PRELID2: variants seen among roughly 807,000 people sequenced by gnomAD.
PRELID2 encodes the protein PRELI domain-containing protein 2.
A neutral mutation model predicts 28.4 loss-of-function variants in PRELID2; 25 were observed. The ratio of observed to expected loss-of-function variants is 0.88; its 90% CI spans 0.64 to 1.23. The LOEUF (loss-of-function observed/expected upper bound fraction) is 1.23. Among genes scored for constraint, PRELID2 ranks in the 50% most tolerant of loss-of-function variants. The pLI is 0.00. For missense variants in PRELID2, 201 were observed against 214.4 expected (o/e 0.94, Z 0.39); for synonymous variants, 76 against 71.6 (o/e 1.06, Z -0.31).
chr5:145,651,224 T>C (rs1754291356), intron 1 of PRELID2, among the ~76,000 whole-genome samples: 1 of 152,172 alleles, frequency 6.6e-6, no homozygotes, highest in Non-Finnish European at 1.5e-5. Context: ...GTGCCTGCCA[T>C]TGCTGAGGCT....
At chr5:145,235,633 T>C in the PRELID2 span, among the ~76,000 whole-genome samples, 1 of 152,126 alleles carries the variant, frequency 6.6e-6, no homozygotes, top group African/African-American at 2.4e-5. Flanking sequence ...AGATTATTTT[T>C]TTTTGCTTAC....
intron 5 of PRELID2, among the ~76,000 whole-genome samples, chr5:145,776,526 T>C (rs937262549): frequency 2.0e-5 from 3 of 152,212 alleles, no homozygotes; most frequent in African/African-American, 4.8e-5. Flanking sequence ...ACAAGTCTTC[T>C]ATCCATGAAA....
the PRELID2 span, among the ~76,000 whole-genome samples, chr5:145,436,732 G>T: frequency 6.6e-6 from 1 of 152,116 alleles, no homozygotes; most frequent in African/African-American, 2.4e-5. Flanking sequence ...AATCCTGAAT[G>T]TGTGTAAGGC....
At chr5:145,534,437 G>C (rs958687387) in intron 1 of PRELID2, among the ~76,000 whole-genome samples, 1 of 151,966 alleles carries the variant, frequency 6.6e-6, no homozygotes, top group Admixed American at 6.6e-5. Flanking sequence ...TGTCTAAAAA[G>C]GGGCTACAGC....
At chr5:145,343,946 A>G in the PRELID2 span, among the ~76,000 whole-genome samples, 1 of 151,956 alleles carries the variant, frequency 6.6e-6, no homozygotes, top group African/African-American at 2.4e-5. Flanking sequence ...CATACAACAT[A>G]CCAAGATTGA....
the PRELID2 span, among the ~76,000 whole-genome samples, chr5:145,415,614 C>T: frequency 7.3e-5 from 11 of 150,718 alleles, no homozygotes; most frequent in African/African-American, 2.4e-4. Context: ...ATGAACTCAT[C>T]ATTTTTTATG....
chr5:145,510,684 G>C (rs1369128256), intron 1 of PRELID2, among the ~76,000 whole-genome samples: 1 of 152,206 alleles, frequency 6.6e-6, no homozygotes, highest in African/African-American at 2.4e-5. Flanking sequence ...TCTCCTGCAA[G>C]CCAATTTTAT....
intron 1 of PRELID2, among the ~76,000 whole-genome samples, chr5:145,675,368 T>C (rs182188062): frequency 6.6e-6 from 1 of 152,272 alleles, no homozygotes; most frequent in East Asian, 1.9e-4. Context: ...ACAAAAAATC[T>C]AAAAGTTCAA....
At chr5:145,497,078 G>A (rs922929473) in intron 1 of PRELID2, among the ~76,000 whole-genome samples, 1 of 150,882 alleles carries the variant, frequency 6.6e-6, no homozygotes, top group Non-Finnish European at 1.5e-5. Context: ...TGCACAGGCT[G>A]GTCTAAAACT....
the PRELID2 span, among the ~76,000 whole-genome samples, chr5:145,285,605 T>A: frequency 6.6e-5 from 10 of 152,110 alleles, no homozygotes; most frequent in African/African-American, 2.2e-4. Flanking sequence ...TCATTTTAAG[T>A]GATATTGGCT....
chr5:145,676,240 A>AAAC (rs1554082907), intron 1 of PRELID2, among the ~76,000 whole-genome samples: 30 of 147,860 alleles, frequency 2.0e-4, no homozygotes, highest in African/African-American at 6.7e-4. Flanking sequence ...AAAAAAAAAA[A>AAAC]AATAATGTGT....
At chr5:145,528,724 C>CAGAG (rs1359697111) in intron 1 of PRELID2, among the ~76,000 whole-genome samples, 2 of 56,604 alleles carry the variant, frequency 3.5e-5, no homozygotes, top group African/African-American at 5.6e-5. Context: ...CACACACACA[C>CAGAG]ACAGAGAGAG....
rs181521858 is a variant in PRELID2, at chr5:145,758,603, C to T, written c.*1933G>A. ...GAGTTTTTGAGTGTGAAGGGTTAAACTTACTCTAATGTCAACCTCCAAATA... is the reference window on the plus strand; with the variant it reads ...GAGTTTTTGAGTGTGAAGGGTTAAATTTACTCTAATGTCAACCTCCAAATA... On this transcript the variant is annotated 3_prime_UTR_variant, in exon 7 of 7. Transcript: ENST00000683046. Among the ~76,000 whole-genome samples, 10 of 152,280 alleles carry T rather than the reference C, an allele frequency of 6.6e-5. No homozygotes were observed. In the East Asian group the frequency reaches 1.9e-3, roughly 29 times the overall value.
At chr5:145,569,845 T>C (rs1315558305) in intron 1 of PRELID2, among the ~76,000 whole-genome samples, 1 of 152,216 alleles carries the variant, frequency 6.6e-6, no homozygotes, top group African/African-American at 2.4e-5. Context: ...CACAGTCGAT[T>C]GTGAATTTTG....
chr5:145,463,503 A>T, the PRELID2 span, among the ~76,000 whole-genome samples: 3 of 152,132 alleles, frequency 2.0e-5, no homozygotes, highest in Admixed American at 6.6e-5. Context: ...TAACTTTGTA[A>T]TTAATTTGCA....
chr5:145,516,946 T>G (rs1752522433), intron 1 of PRELID2, among the ~76,000 whole-genome samples: 2 of 152,154 alleles, frequency 1.3e-5, no homozygotes, highest in Admixed American at 1.3e-4. Context: ...CACAGAAAAC[T>G]GAAACTGGAC....
At chr5:145,323,446 T>C in the PRELID2 span, among the ~76,000 whole-genome samples, 2 of 152,174 alleles carry the variant, frequency 1.3e-5, no homozygotes, top group Non-Finnish European at 2.9e-5. Context: ...CTGGCCACTG[T>C]GTAGAGAATG....
Position 145,817,208 on chromosome 5 carries a change from T to TA in PRELID2, c.368+685dup, listed in dbSNP as rs1482406226. 6.7e-4 allele frequency among the ~76,000 whole-genome samples: 52 copies of TA among 77,710 alleles called. No individual in the cohort carries two copies. In the East Asian group the frequency reaches 0.017, roughly 26 times the overall value. The allele number at this position is 77,710 out of a possible 152,430, so 51.0% of individuals were successfully genotyped here. A position where few individuals can be genotyped will look rare whatever the true frequency, so the allele number is the denominator to read the frequency against. On this transcript the variant is annotated intron_variant, in intron 4 of 6. Coordinates refer to ENST00000683046, the MANE Select transcript of PRELID2 (RefSeq NM_205846.3). ...TGCATTTCAAAAAAAAATAAATAAA[T>TA]AAATAAAAAAAAATATATATATATA...
At chr5:145,428,159 G>A in the PRELID2 span, among the ~76,000 whole-genome samples, 4 of 152,002 alleles carry the variant, frequency 2.6e-5, no homozygotes, top group South Asian at 2.1e-4. Context: ...GGGTTTCACC[G>A]TGTTGGTCAA....
Sources: allele counts gnomAD v4.1 joint callset (sites outside exome capture counted in the v4.1 genomes callset), GRCh38; gene constraint gnomAD v4.1.1; transcripts MANE v1.5; gene names NCBI Gene and HGNC (gene_info 2026-07-23, HGNC 2026-07-21).